PRR5L: variants seen among roughly 807,000 people sequenced by gnomAD.
PRR5L encodes proline rich 5 like.
In PRR5L, 21 loss-of-function variants were observed where a neutral mutation model predicts 36.4. The observed-to-expected ratio is 0.58, with a 90% confidence interval of 0.41 to 0.83. The LOEUF (loss-of-function observed/expected upper bound fraction) is 0.83. Ranked by LOEUF, PRR5L falls within the 40% of genes least tolerant of loss-of-function variation. PRR5L has a pLI of 0.00. For synonymous variants in PRR5L, 188 were observed against 197.0 expected (o/e 0.95, Z 0.38); for missense variants, 381 against 473.3 (o/e 0.80, Z 1.81).
intron 6 of PRR5L, among the ~76,000 whole-genome samples, chr11:36,443,194 G>C (rs1858759192): frequency 6.6e-6 from 1 of 152,192 alleles, no homozygotes; most frequent in African/African-American, 2.4e-5. Context: ...TGGCAGAAAG[G>C]TGATGGGGAG....
intron 1 of PRR5L, among the ~76,000 whole-genome samples, chr11:36,309,862 T>C (rs970749406): frequency 7.6e-6 from 1 of 132,276 alleles, no homozygotes; most frequent in African/African-American, 2.7e-5. Flanking sequence ...ACTTTTACAG[T>C]TCTATGATGT....
At chr11:36,352,664 A>G (rs535408106) in intron 1 of PRR5L, among the ~76,000 whole-genome samples, 2 of 152,206 alleles carry the variant, frequency 1.3e-5, no homozygotes, top group Non-Finnish European at 1.5e-5. Flanking sequence ...TGTTTCTTCT[A>G]TTCAGCTCAG....
chr11:36,462,553 G>A lies in PRR5L; in HGVS notation c.924G>A (p.Met308Ile). 6.2e-7 allele frequency: 1 copy of A among 1,611,910 alleles called. No homozygotes were observed. Among genetic ancestry groups the A allele is most frequent in the Non-Finnish European group, 8.5e-7 (1 of 1,179,054 alleles). The change falls in exon 9 of 9, where the codon ATG becomes ATA. Residue 308 changes from methionine (M) to isoleucine (I), a missense_variant. Transcript: ENST00000530639. ...AGCTGCTGGCCATGGCCACCATGAT[G>A]CACTCGGGCCTGGGGGAGGAGGCCA... Reference protein sequence around the residue: ...DIQLLAMATMMHSGLGEEASS... With the variant: ...DIQLLAMATMIHSGLGEEASS...
intron 8 of PRR5L, chr11:36,453,871 A>T (rs769519824): frequency 1.3e-5 from 2 of 152,372 alleles, no homozygotes; most frequent in African/African-American, 4.8e-5. Flanking sequence ...ACAGAGAGGG[A>T]TGACTATCCC....
In PRR5L at chr11:36,336,674, C is replaced by T. The variant is rs561946670; in HGVS notation, c.-126+40236C>T. Among the ~76,000 whole-genome samples the T allele has an allele frequency of 2.0e-5, 3 of 151,744 alleles. No individual in the cohort carries two copies. In the South Asian group the frequency reaches 6.3e-4, roughly 32 times the overall value. On this transcript the variant is annotated intron_variant, in intron 1 of 8. Transcript: ENST00000530639. Reference sequence around the variant, plus strand: ...TAATGTTTGTTGAATAAATAAACGTCATTCTCATCAATAGAAAAGCATGTA... The same window carrying T: ...TAATGTTTGTTGAATAAATAAACGTTATTCTCATCAATAGAAAAGCATGTA...
At chr11:36,319,747 G>T (rs914393682) in intron 1 of PRR5L, among the ~76,000 whole-genome samples, 1 of 151,400 alleles carries the variant, frequency 6.6e-6, no homozygotes, top group South Asian at 2.1e-4. Context: ...ACTGAAAAAG[G>T]CCTTAAGTGT....
intron 1 of PRR5L, among the ~76,000 whole-genome samples, chr11:36,385,364 CTTTG>C (rs1484569944): frequency 6.6e-6 from 1 of 152,152 alleles, no homozygotes; most frequent in Non-Finnish European, 1.5e-5. Context: ...TTTCCCACAG[CTTTG>C]TTTAACTTGT....
chr11:36,402,652 A>G (rs2047092082), intron 2 of PRR5L, among the ~76,000 whole-genome samples: 1 of 152,258 alleles, frequency 6.6e-6, no homozygotes, highest in Admixed American at 6.5e-5. Flanking sequence ...TGTTCTTTAA[A>G]GGAAAGGCCA....
chr11:36,433,462 G>A (rs958557035), intron 5 of PRR5L, among the ~76,000 whole-genome samples: 8 of 152,156 alleles, frequency 5.3e-5, no homozygotes, highest in Non-Finnish European at 8.8e-5. Flanking sequence ...TCCATTTTAT[G>A]TGTATGCTAC....
chr11:36,400,055 A>C (rs181204592), intron 1 of PRR5L, among the ~76,000 whole-genome samples: 150 of 152,364 alleles, frequency 9.8e-4, no homozygotes, highest in Non-Finnish European at 1.7e-3. Flanking sequence ...GAAGCCATGA[A>C]GTCTCCCAGC....
intron 1 of PRR5L, among the ~76,000 whole-genome samples, chr11:36,357,787 A>C (rs1366045008): frequency 6.6e-6 from 1 of 152,246 alleles, no homozygotes; most frequent in East Asian, 1.9e-4. Context: ...ATAAAGATGT[A>C]CAAGGAGATT....
chr11:36,381,136 A>G (rs1039924165), intron 1 of PRR5L, among the ~76,000 whole-genome samples: 3 of 152,140 alleles, frequency 2.0e-5, no homozygotes, highest in African/African-American at 7.2e-5. Flanking sequence ...CCTCACCCAC[A>G]CATCAATATT....
intron 4 of PRR5L, among the ~76,000 whole-genome samples, chr11:36,426,814 A>C (rs1299327110): frequency 6.6e-6 from 1 of 152,352 alleles, no homozygotes; most frequent in East Asian, 1.9e-4. Context: ...AAGGGACGGT[A>C]GCTAGCAGCC....
chr11:36,382,107 G>A (rs1409269235), intron 1 of PRR5L, among the ~76,000 whole-genome samples: 1 of 152,168 alleles, frequency 6.6e-6, no homozygotes, highest in African/African-American at 2.4e-5. Flanking sequence ...GCAGTGAGCG[G>A]AGATCGCGCC....
chr11:36,430,635 A>G (rs1193839658), intron 4 of PRR5L, among the ~76,000 whole-genome samples: 1 of 152,176 alleles, frequency 6.6e-6, no homozygotes, highest in Non-Finnish European at 1.5e-5. Context: ...AGCTATTACT[A>G]TTCCTACCAC....
intron 7 of PRR5L, 113 bp from the exon 8 acceptor site, chr11:36,451,085 ATGCTGCCTGCC>A: frequency 8.4e-7 from 1 of 1,191,122 alleles, no homozygotes; most frequent in South Asian, 1.4e-5. Context: ...AACTGCAAGG[ATGCTGCCTGCC>A]AGCAACACAG....
intron 5 of PRR5L, among the ~76,000 whole-genome samples, chr11:36,433,279 C>T (rs779527531): frequency 4.5e-4 from 69 of 152,184 alleles, no homozygotes; most frequent in Admixed American, 1.6e-3. Context: ...CCTCAGCCCC[C>T]GACAGCCACC....
At chr11:36,376,774 G>T (rs557088343) in intron 1 of PRR5L, 3 of 959,146 alleles carry the variant, frequency 3.1e-6, no homozygotes, top group South Asian at 9.6e-5. Flanking sequence ...GCAGGATTGA[G>T]CGAAAATTAC....
chr11:36,365,888 C>T (rs1209056976), intron 1 of PRR5L, among the ~76,000 whole-genome samples: 1 of 152,170 alleles, frequency 6.6e-6, no homozygotes, highest in African/African-American at 2.4e-5. Context: ...ACCTGGCTGG[C>T]GTGTCTCACC....
Sources: allele counts gnomAD v4.1 joint callset (sites outside exome capture counted in the v4.1 genomes callset), GRCh38; gene constraint gnomAD v4.1.1; transcripts MANE v1.5; gene names NCBI Gene and HGNC (gene_info 2026-07-23, HGNC 2026-07-21).